The following COL15A1 variants were observed in gnomAD, a reference collection of about 807,000 sequenced individuals.
The protein encoded by COL15A1 is collagen alpha-1(XV) chain.
In COL15A1, 111 loss-of-function variants were observed where a neutral mutation model predicts 165.9. The ratio of observed to expected loss-of-function variants is 0.67; its 90% CI spans 0.57 to 0.78. The LOEUF (loss-of-function observed/expected upper bound fraction) is 0.78, where lower values mean the gene tolerates loss of function less well. COL15A1 is among the 30% of genes least tolerant of loss of function. COL15A1 has a pLI of 0.00. For missense variants in COL15A1, 1,745 were observed against 1,789.7 expected, an observed-to-expected ratio of 0.98 and a Z score of 0.45; for synonymous variants, 659 against 674.8, an observed-to-expected ratio of 0.98 and a Z score of 0.36.
At chr9:99,005,789 G>A (rs1411258704) in intron 9 of COL15A1, among the ~76,000 whole-genome samples, 1 of 152,160 alleles carries the variant, frequency 6.6e-6, no homozygotes, top group Non-Finnish European at 1.5e-5. Flanking sequence ...CGTGTCCCCA[G>A]CCCGGGCAAT....
intron 2 of COL15A1, among the ~76,000 whole-genome samples, chr9:98,984,647 G>A (rs1838280114): frequency 3.3e-5 from 5 of 152,302 alleles, no homozygotes; most frequent in South Asian, 2.1e-4. Flanking sequence ...TGATGATGGC[G>A]GTGATGTCAA....
intron 9 of COL15A1, among the ~76,000 whole-genome samples, chr9:99,013,520 A>G (rs1240769364): frequency 6.6e-6 from 1 of 151,464 alleles, no homozygotes; most frequent in Admixed American, 6.6e-5. Context: ...CTGAACTAGA[A>G]TTAGGGTCCT....
chr9:98,951,602 T>C (rs536837215), intron 2 of COL15A1, among the ~76,000 whole-genome samples: 1 of 152,348 alleles, frequency 6.6e-6, no homozygotes, highest in African/African-American at 2.4e-5. Context: ...GTCTTCTCTG[T>C]TGCCCAGGCT....
chr9:99,008,359 A>G (rs1160220839), intron 9 of COL15A1, among the ~76,000 whole-genome samples: 1 of 152,188 alleles, frequency 6.6e-6, no homozygotes, highest in Admixed American at 6.5e-5. Context: ...AGCTTTCCCA[A>G]GGGCTTTTAT....
intron 8 of COL15A1, among the ~76,000 whole-genome samples, chr9:99,004,227 T>C (rs1159586127): frequency 1.3e-5 from 2 of 152,096 alleles, no homozygotes; most frequent in Non-Finnish European, 2.9e-5. Context: ...TCACTCTGAC[T>C]ACTGAGAGGA....
intron 5 of COL15A1, among the ~76,000 whole-genome samples, chr9:98,992,878 G>A (rs945661313): frequency 4.6e-5 from 7 of 152,206 alleles, no homozygotes; most frequent in African/African-American, 7.2e-5. Flanking sequence ...TGTGGGGCAC[G>A]TGTCAGCCAA....
At chr9:99,020,629 A>T in intron 12 of COL15A1, among the ~76,000 whole-genome samples, 187 bp downstream of exon 12, 1 of 152,210 alleles carries the variant, frequency 6.6e-6, no homozygotes, top group East Asian at 1.9e-4. Context: ...GTTCTGACTG[A>T]GTCTCTTCTC....
rs1248416595 is a variant in COL15A1, at chr9:99,047,640, C to T, written c.2680-146C>T. Reference sequence around the variant, plus strand: ...AGGCTGGAGACAAGGAGGCCGCAGGCAGGGGCTTCTACCTGGCTCCCTGCC... The same window carrying T: ...AGGCTGGAGACAAGGAGGCCGCAGGTAGGGGCTTCTACCTGGCTCCCTGCC... On this transcript the variant is annotated intron_variant, in intron 26 of 41. Coordinates refer to ENST00000375001, the MANE Select transcript of COL15A1 (RefSeq NM_001855.5). 61 of 790,940 alleles carry T rather than the reference C, an allele frequency of 7.7e-5. No homozygotes were observed. In the Admixed American group the frequency reaches 1.1e-3, roughly 15 times the overall value. 49.0% of individuals were successfully genotyped at this position (790,940 alleles called of 1,614,324 possible).
chr9:99,031,341 C>T (rs1450032702), intron 16 of COL15A1, among the ~76,000 whole-genome samples: 1 of 152,142 alleles, frequency 6.6e-6, no homozygotes. Context: ...CCTTCCCATG[C>T]CCCACGCATG....
At chr9:99,002,345 C>A (rs1838674061) in intron 7 of COL15A1, among the ~76,000 whole-genome samples, 2 of 152,092 alleles carry the variant, frequency 1.3e-5, no homozygotes, top group African/African-American at 4.8e-5. Flanking sequence ...AGTCCCTGAG[C>A]CTCCCAAATT....
intron 6 of COL15A1, among the ~76,000 whole-genome samples, chr9:98,998,134 ATGTG>A (rs1272481621): frequency 6.6e-6 from 1 of 152,262 alleles, no homozygotes; most frequent in African/African-American, 2.4e-5. Flanking sequence ...ATGTAGAGCG[ATGTG>A]TGTGTATTAG....
chr9:99,009,725 G>T (rs1838819569), intron 9 of COL15A1, among the ~76,000 whole-genome samples: 1 of 152,180 alleles, frequency 6.6e-6, no homozygotes, highest in Non-Finnish European at 1.5e-5. Flanking sequence ...TGATTGAAGA[G>T]ATTGATTTCT....
intron 2 of COL15A1, among the ~76,000 whole-genome samples, chr9:98,971,121 T>G (rs772514089): frequency 1.3e-5 from 2 of 152,168 alleles, no homozygotes; most frequent in Admixed American, 6.5e-5. Flanking sequence ...TGGAAAATAC[T>G]GCTTGAAACC....
intron 3 of COL15A1, among the ~76,000 whole-genome samples, chr9:98,986,752 T>A (rs1838321147): frequency 1.3e-5 from 2 of 152,274 alleles, no homozygotes; most frequent in South Asian, 4.2e-4. Flanking sequence ...GGAGTTTGGG[T>A]TTATCTGGAG....
chr9:98,944,480 A>G (rs1395330477), intron 2 of COL15A1, among the ~76,000 whole-genome samples: 1 of 152,108 alleles, frequency 6.6e-6, no homozygotes, highest in Non-Finnish European at 1.5e-5. Flanking sequence ...TTGTCTGGGC[A>G]CCCGAGATGT....
chr9:98,976,949 C>T (rs1166760872), intron 2 of COL15A1, among the ~76,000 whole-genome samples: 2 of 152,044 alleles, frequency 1.3e-5, no homozygotes, highest in East Asian at 1.9e-4. Flanking sequence ...GGAGCAGTTC[C>T]TCAAGTGGAG....
intron 8 of COL15A1, among the ~76,000 whole-genome samples, chr9:99,004,451 G>A (rs548244021): frequency 2.6e-5 from 4 of 152,300 alleles, no homozygotes; most frequent in African/African-American, 9.6e-5. Context: ...CTATCGGAGC[G>A]GTGGAAGCCA....
intron 5 of COL15A1, among the ~76,000 whole-genome samples, chr9:98,990,581 G>A (rs1263291712): frequency 1.3e-5 from 2 of 152,230 alleles, no homozygotes; most frequent in Non-Finnish European, 1.5e-5. Flanking sequence ...ACAATTCACA[G>A]CGAAGCCAAC....
At chr9:98,993,625 T>C (rs1383770885) in intron 5 of COL15A1, among the ~76,000 whole-genome samples, 1 of 152,174 alleles carries the variant, frequency 6.6e-6, no homozygotes, top group East Asian at 1.9e-4. Context: ...GCCATGGAGA[T>C]GGTTGCTGGA....
Sources: allele counts gnomAD v4.1 joint callset (sites outside exome capture counted in the v4.1 genomes callset), GRCh38; gene constraint gnomAD v4.1.1; transcripts MANE v1.5; gene names NCBI Gene and HGNC (gene_info 2026-07-23, HGNC 2026-07-21).